The following BTN3A1 variants were observed in gnomAD, a reference collection of about 807,000 sequenced individuals.
BTN3A1 encodes the protein butyrophilin subfamily 3 member A1, also known as dJ45P21.3 (butyrophilin, subfamily 3, member A1).
A neutral mutation model predicts 43.0 loss-of-function variants in BTN3A1; 24 were observed. The ratio of observed to expected loss-of-function variants is 0.56; its 90% CI spans 0.40 to 0.78. The LOEUF (loss-of-function observed/expected upper bound fraction) is 0.78, where lower values mean the gene tolerates loss of function less well. BTN3A1 is among the 30% of genes least tolerant of loss of function. The pLI, the probability that BTN3A1 is intolerant of heterozygous loss-of-function variation, is 0.00. For synonymous variants in BTN3A1, 181 were observed against 234.7 expected, an observed-to-expected ratio of 0.77 and a Z score of 2.09; for missense variants, 533 against 626.2, an observed-to-expected ratio of 0.85 and a Z score of 1.59.
Position 26,407,694 on chromosome 6 carries a change from G to T in BTN3A1, c.457G>T (p.Asp153Tyr), listed in dbSNP as rs771608988. 3 of 1,614,044 alleles carry T rather than the reference G, an allele frequency of 1.9e-6. No individual in the cohort carries two copies. In the African/African-American group the frequency reaches 4.0e-5, roughly 22 times the overall value. Reference sequence around the variant, plus strand: ...AGCACTGGGTTCTGATCTTCACGTTGATGTGAAGGGTTACAAGGATGGAGG... The same window carrying T: ...AGCACTGGGTTCTGATCTTCACGTTTATGTGAAGGGTTACAAGGATGGAGG... ...VAALGSDLHV[D>Y]VKGYKDGGIH... Residue 153 changes from aspartate (D) to tyrosine (Y), a missense_variant, in exon 4 of 10, where the codon GAT (aspartate) becomes TAT (tyrosine). This residue lies in a region of BTN3A1 where 51 missense variants were observed against 90.9 expected (regional missense o/e 0.56). Coordinates refer to ENST00000289361, the MANE Select transcript of BTN3A1 (RefSeq NM_007048.6).
In BTN3A1 at chr6:26,405,623, G is replaced by A; in HGVS notation, c.60G>A (p.Leu20=). 6.2e-7 allele frequency: 1 copy of A among 1,614,114 alleles called. No homozygotes were observed. The highest frequency in any genetic ancestry group is 8.5e-7 in the Non-Finnish European group (1 of 1,180,032). ...LLLNFRVCLL[L]LQLLMPHSAQ... is the part of the protein sequence containing the mutation. ...TCAACTTTCGTGTCTGCCTCCTTTTGCTTCAGCTGCTCATGCCTCACTCAG... is the reference window on the plus strand; with the variant it reads ...TCAACTTTCGTGTCTGCCTCCTTTTACTTCAGCTGCTCATGCCTCACTCAG... The change falls in exon 2 of 10, where the codon TTG becomes TTA. Residue 20 remains leucine, a synonymous_variant. Coordinates refer to ENST00000289361, the MANE Select transcript of BTN3A1 (RefSeq NM_007048.6).
chr6:26,411,205 G>A, intron 8 of BTN3A1, 70 bp downstream of exon 8: 1 of 1,538,402 alleles, frequency 6.5e-7, no homozygotes, highest in Admixed American at 1.9e-5. Context: ...TTTCTCTGCT[G>A]TGACCCATTG....
chr6:26,412,942 T>G, intron 9 of BTN3A1: 1 of 1,458,386 alleles, frequency 6.9e-7, no homozygotes, highest in South Asian at 1.5e-5. Flanking sequence ...TAGGCAGAGA[T>G]GCTGAGGCAA....
chr6:26,413,755 A>AC lies in BTN3A1; in HGVS notation c.*67dup. The AC allele has an allele frequency of 6.2e-7, 1 of 1,605,310 alleles. No homozygotes were observed. The highest frequency in any genetic ancestry group is 2.2e-5 in the East Asian group (1 of 44,872). On this transcript the variant is annotated 3_prime_UTR_variant, in exon 10 of 10. Coordinates refer to ENST00000289361, the MANE Select transcript of BTN3A1 (RefSeq NM_007048.6). ...TGATCATTCCCTAGAGACACCAGTA[A>AC]CCCCGGGCTTAGCTAACGAAAGTGG...
intron 4 of BTN3A1, among the ~76,000 whole-genome samples, chr6:26,408,360 G>A (rs1426680846): frequency 6.6e-6 from 1 of 152,050 alleles, no homozygotes; most frequent in African/African-American, 2.4e-5. Flanking sequence ...TTACAGAAAA[G>A]GAAATAACTC....
chr6:26,408,593 T>C (rs575215875), intron 4 of BTN3A1, among the ~76,000 whole-genome samples: 2 of 152,350 alleles, frequency 1.3e-5, no homozygotes, highest in African/African-American at 4.8e-5. Flanking sequence ...CTATCCAAAC[T>C]ACATCTTTAG....
At chr6:26,409,195 G>A (rs1392617526) in intron 4 of BTN3A1, among the ~76,000 whole-genome samples, 1 of 152,140 alleles carries the variant, frequency 6.6e-6, no homozygotes, top group Non-Finnish European at 1.5e-5. Context: ...GTGGATGGGA[G>A]ACTTACGTGA....
At chr6:26,412,508 C>G in intron 9 of BTN3A1, 1 of 1,549,582 alleles carries the variant, frequency 6.5e-7, no homozygotes, top group East Asian at 2.4e-5. Flanking sequence ...TCCTGGGGCC[C>G]AGAAGAGGGT....
intron 7 of BTN3A1, 36 bp from the exon 8 acceptor site, chr6:26,411,073 A>G: frequency 6.3e-7 from 1 of 1,584,920 alleles, no homozygotes; most frequent in Non-Finnish European, 8.6e-7. Context: ...AAAAATGGCA[A>G]GTTCAGGTGA....
In BTN3A1 at chr6:26,412,974, C is replaced by T. The variant is rs937403600; in HGVS notation, c.1019-195C>T. The T allele has an allele frequency of 4.8e-6, 7 of 1,457,858 alleles. No individual in the cohort carries two copies. The African/African-American group carries it at 1.0e-4, about 21-fold the overall frequency. The allele number at this position is 1,457,858 out of a possible 1,614,324, so 90.3% of individuals were successfully genotyped here. ...GCAACCCTCATTTCACCCTCCTCTT[C>T]CCCTCTGGACACAAGATACCTGATA... On this transcript the variant is annotated intron_variant, in intron 9 of 9. Coordinates refer to ENST00000289361, the MANE Select transcript of BTN3A1 (RefSeq NM_007048.6).
rs1297155527 is a variant in BTN3A1, at chr6:26,413,903, T to C, written c.*211T>C. The C allele has an allele frequency of 3.8e-6, 3 of 794,056 alleles. No individual in the cohort carries two copies. The highest frequency in any genetic ancestry group is 5.9e-6 in the Non-Finnish European group (3 of 507,144). The allele number at this position is 794,056 out of a possible 1,614,324, so 49.2% of individuals were successfully genotyped here. ...ACAAGCACGCACTGAAGCACTTTAC[T>C]GATACTCATTCAATTATTCATATGA... On this transcript the variant is annotated 3_prime_UTR_variant, in exon 10 of 10. Coordinates refer to ENST00000289361, the MANE Select transcript of BTN3A1 (RefSeq NM_007048.6).
In BTN3A1 at chr6:26,414,250, G is replaced by T. The variant is rs188677347; in HGVS notation, c.*558G>T. The T allele has an allele frequency of 2.6e-3, 436 of 164,596 alleles. 3 individuals are homozygous for T. The highest frequency in any genetic ancestry group is 3.5e-3 in the Non-Finnish European group (266 of 75,270). The allele number at this position is 164,596 out of a possible 1,614,324, so 10.2% of individuals were successfully genotyped here. A position where few individuals can be genotyped will look rare whatever the true frequency, so the allele number is the denominator to read the frequency against. Reference sequence around the variant, plus strand: ...TGCAGTTGGGAGATGTTCAGCTTCAGTCCCCGGCCCTATGGCCGTTCTTTT... The same window carrying T: ...TGCAGTTGGGAGATGTTCAGCTTCATTCCCCGGCCCTATGGCCGTTCTTTT... On this transcript the variant is annotated 3_prime_UTR_variant, in exon 10 of 10. Transcript: ENST00000289361.
In BTN3A1 at chr6:26,413,518, C is replaced by A. The variant is rs1581635275; in HGVS notation, c.1368C>A (p.Pro456=). ...GAACCAACCTGAAACTTCCTAAGCC[C>A]CCTAAGAAAGTGGGGGTCTTCCTGG... The part of the protein sequence containing the change: ...EPRTNLKLPK[P]PKKVGVFLDY... Residue 456 remains proline (P), a synonymous_variant, in exon 10 of 10, where the codon CCC becomes CCA. Coordinates refer to ENST00000289361, the MANE Select transcript of BTN3A1 (RefSeq NM_007048.6). The A allele has an allele frequency of 1.2e-6, 2 of 1,614,106 alleles. No homozygotes were observed. Among genetic ancestry groups the A allele is most frequent in the Non-Finnish European group, 1.7e-6 (2 of 1,180,004 alleles).
In BTN3A1 at chr6:26,405,510, C is replaced by G. The variant is rs1034377325; in HGVS notation, c.-54C>G. 1.8e-5 allele frequency: 27 copies of G among 1,521,760 alleles called. No homozygotes were observed. The South Asian group carries it at 3.0e-4, about 17-fold the overall frequency. 94.3% of individuals were successfully genotyped at this position (1,521,760 alleles called of 1,614,324 possible). ...TCCATTTGGAATTCTATAGCTTCTT[C>G]CAGGTCATAGTGTCTGCCCCCCACC... is the stretch of plus-strand genomic sequence containing the variant. On this transcript the variant is annotated 5_prime_UTR_variant, in exon 2 of 10. Coordinates refer to ENST00000289361, the MANE Select transcript of BTN3A1 (RefSeq NM_007048.6).
At chr6:26,411,700 T>C (rs1439885267) in intron 9 of BTN3A1, 119 bp downstream of exon 9, 2 of 1,302,272 alleles carry the variant, frequency 1.5e-6, no homozygotes, top group Non-Finnish European at 2.1e-6. Context: ...CTAGGAGAAT[T>C]TGGGGTAGGC....
intron 7 of BTN3A1, among the ~76,000 whole-genome samples, chr6:26,410,584 A>G (rs1186436905): frequency 6.6e-6 from 1 of 151,898 alleles, no homozygotes; most frequent in Non-Finnish European, 1.5e-5. Context: ...CTCAGTTGGT[A>G]CCAATTTATT....
In BTN3A1 at chr6:26,413,689, G is replaced by T. The variant is rs767759921; in HGVS notation, c.1539G>T (p.Ala513=). 6.2e-7 allele frequency: 1 copy of T among 1,612,404 alleles called. No homozygotes were observed. The highest frequency in any genetic ancestry group is 8.5e-7 in the Non-Finnish European group (1 of 1,179,558). Residue 513 remains alanine (A), a synonymous_variant, in exon 10 of 10, where the codon GCG becomes GCT. Transcript: ENST00000289361. ...CCACGGCCCTGACTATTTGTCCAGC[G>T]TGAAAAGAAGAAGAGAGTTCCTCCA... The part of the protein sequence containing the change: ...LEPTALTICP[A]
At chr6:26,412,499 C>G (rs1340005447) in intron 9 of BTN3A1, 1 of 1,548,840 alleles carries the variant, frequency 6.5e-7, no homozygotes, top group East Asian at 2.4e-5. Flanking sequence ...AGGACAGATT[C>G]CTGGGGCCCA....
chr6:26,407,577 C>T, intron 3 of BTN3A1, 94 bp from the exon 4 acceptor site: 2 of 1,437,496 alleles, frequency 1.4e-6, no homozygotes, highest in Non-Finnish European at 1.9e-6. Flanking sequence ...TGAAATTGTT[C>T]TTGAATTATG....
Sources: allele counts gnomAD v4.1 joint callset (sites outside exome capture counted in the v4.1 genomes callset), GRCh38; gene constraint gnomAD v4.1.1; regional missense constraint gnomAD v4.1.1; transcripts MANE v1.5; gene names NCBI Gene and HGNC (gene_info 2026-07-23, HGNC 2026-07-21).